Variants in DYNLT2B observed in about 807,000 individuals in gnomAD.
The protein encoded by DYNLT2B is dynein light chain Tctex-type 2B.
A neutral mutation model predicts 19.5 loss-of-function variants in DYNLT2B; 14 were observed. The observed-to-expected ratio is 0.72, with a 90% CI of 0.47 to 1.12. The LOEUF (loss-of-function observed/expected upper bound fraction) is 1.12, where lower values mean the gene tolerates loss of function less well. Among genes scored for constraint, DYNLT2B ranks in the 50% most tolerant of loss-of-function variants. The pLI is 0.00. For synonymous variants in DYNLT2B, 70 were observed against 59.7 expected (o/e 1.17, Z -0.79); for missense variants, 133 against 174.7 (o/e 0.76, Z 1.35).
At chr3:196,310,252 C>T (rs998275399) in intron 2 of DYNLT2B, among the ~76,000 whole-genome samples, 2 of 150,314 alleles carry the variant, frequency 1.3e-5, no homozygotes, top group Non-Finnish European at 2.9e-5. Context: ...TAGGCATGCG[C>T]CATCACGCTC....
chr3:196,295,219 G>A lies in DYNLT2B; in HGVS notation c.381+787C>T, dbSNP rs144957155. Among the ~76,000 whole-genome samples, 24 of 152,108 alleles carry A rather than the reference G, an allele frequency of 1.6e-4. No homozygotes were observed. In the East Asian group the frequency reaches 1.8e-3, roughly 11 times the overall value. ...TGTGTCACCCAGGCTGGAATACAGT[G>A]GCACAATCTCAGCTCACTGCAACCT... On this transcript the variant is annotated intron_variant, in intron 4 of 4. Coordinates refer to ENST00000325318, the MANE Select transcript of DYNLT2B (RefSeq NM_152773.5).
At chr3:196,291,882 G>C (rs1205144180) in intron 4 of DYNLT2B, among the ~76,000 whole-genome samples, 2 of 152,176 alleles carry the variant, frequency 1.3e-5, no homozygotes, top group Non-Finnish European at 2.9e-5. Context: ...AAAATTGCTT[G>C]CTAAAAGGTT....
intron 1 of DYNLT2B, 138 bp from the exon 2 acceptor site, chr3:196,316,369 CAAATT>C (rs1381071142): frequency 1.1e-6 from 1 of 911,780 alleles, no homozygotes; most frequent in African/African-American, 1.7e-5. Context: ...AAAATATAAA[CAAATT>C]AAGACAAATC....
intron 4 of DYNLT2B, 116 bp from the exon 5 acceptor site, chr3:196,291,490 C>CT (rs1560184411): frequency 7.4e-6 from 8 of 1,083,628 alleles, no homozygotes; most frequent in Non-Finnish European, 9.2e-6. Context: ...TTTTTTTTTT[C>CT]TTTTTTGAGA....
intron 1 of DYNLT2B, among the ~76,000 whole-genome samples, chr3:196,317,808 C>T (rs1726919639): frequency 6.6e-6 from 1 of 152,136 alleles, no homozygotes; most frequent in African/African-American, 2.4e-5. Context: ...CCCTAAGACG[C>T]GCCCGGCGCC....
chr3:196,298,114 T>C, intron 3 of DYNLT2B: 1 of 336,732 alleles, frequency 3.0e-6, no homozygotes, highest in South Asian at 2.9e-5. Flanking sequence ...TGTGCCTGAT[T>C]TTATTACCAG....
intron 2 of DYNLT2B, among the ~76,000 whole-genome samples, chr3:196,307,818 G>T (rs1045625168): frequency 6.6e-6 from 1 of 151,024 alleles, no homozygotes; most frequent in African/African-American, 2.4e-5. Flanking sequence ...GGTGGCTCAC[G>T]CCTGTAATCC....
rs1726944673 is a variant in DYNLT2B at position 196,318,170 on chromosome 3, C to G, written c.-18G>C. On this transcript the variant is annotated 5_prime_UTR_variant, in exon 1 of 5. Coordinates refer to ENST00000325318, the MANE Select transcript of DYNLT2B (RefSeq NM_152773.5). The stretch of plus-strand genomic sequence containing the variant: ...GTGGCCATGCCGGGGCTTCTCGGTC[C>G]GGGCGTAGCTCGCGATGAAGGCCTA... 6.9e-7 allele frequency: 1 copy of G among 1,449,434 alleles called. No homozygotes were observed. Among genetic ancestry groups the G allele is most frequent in the South Asian group, 1.3e-5 (1 of 78,160 alleles). The allele number at this position is 1,449,434 out of a possible 1,614,324, so 89.8% of individuals were successfully genotyped here. A position where few individuals can be genotyped will look rare whatever the true frequency, so the allele number is the denominator to read the frequency against.
intron 4 of DYNLT2B, among the ~76,000 whole-genome samples, chr3:196,294,354 TAATAAA>T (rs1370827740): frequency 5.3e-5 from 8 of 152,052 alleles, no homozygotes; most frequent in Non-Finnish European, 5.9e-5. Flanking sequence ...TCTCAAAAAA[TAATAAA>T]AATAAAAATA....
At chr3:196,313,885 G>T (rs560172324) in intron 2 of DYNLT2B, among the ~76,000 whole-genome samples, 1 of 152,166 alleles carries the variant, frequency 6.6e-6, no homozygotes, top group East Asian at 1.9e-4. Context: ...ATCACCTGAG[G>T]TCAGGAGTTC....
chr3:196,299,590 G>A (rs375345516), intron 3 of DYNLT2B, among the ~76,000 whole-genome samples: 5 of 152,096 alleles, frequency 3.3e-5, no homozygotes, highest in East Asian at 3.9e-4. Flanking sequence ...CATAAAAAAG[G>A]AGAAAGTAGA....
chr3:196,307,080 G>T, intron 2 of DYNLT2B, 68 bp from the exon 3 acceptor site: 1 of 1,395,124 alleles, frequency 7.2e-7, no homozygotes, highest in Non-Finnish European at 1.0e-6. Context: ...AGACAAATTT[G>T]CCCAGAAATG....
At chr3:196,299,391 T>G (rs140855937) in intron 3 of DYNLT2B, among the ~76,000 whole-genome samples, 105 of 151,850 alleles carry the variant, frequency 6.9e-4, no homozygotes, top group African/African-American at 2.5e-3. Flanking sequence ...GGCCCTAATT[T>G]TTTGTATTTT....
chr3:196,301,438 C>T (rs563707324), intron 3 of DYNLT2B, among the ~76,000 whole-genome samples: 2 of 152,122 alleles, frequency 1.3e-5, no homozygotes, highest in African/African-American at 2.4e-5. Flanking sequence ...TGTGGCTGGG[C>T]GCAGTGGCTC....
chr3:196,302,902 A>G (rs1726391256), intron 3 of DYNLT2B, among the ~76,000 whole-genome samples: 1 of 151,874 alleles, frequency 6.6e-6, no homozygotes, highest in African/African-American at 2.4e-5. Flanking sequence ...TTTAAAACAA[A>G]GACGGTAACA....
intron 4 of DYNLT2B, among the ~76,000 whole-genome samples, chr3:196,295,183 A>G (rs1726191501): frequency 6.9e-6 from 1 of 145,234 alleles, no homozygotes; most frequent in African/African-American, 2.5e-5. Context: ...AACCTCTTTT[A>G]TGTGTGTGTG....
chr3:196,304,652 T>C (rs1363567734), intron 3 of DYNLT2B, among the ~76,000 whole-genome samples: 1 of 151,188 alleles, frequency 6.6e-6, no homozygotes, highest in African/African-American at 2.4e-5. Flanking sequence ...GATCGCACCA[T>C]TGCACTACAG....
At chr3:196,314,350 C>G (rs1304949872) in intron 2 of DYNLT2B, among the ~76,000 whole-genome samples, 1 of 151,310 alleles carries the variant, frequency 6.6e-6, no homozygotes, top group African/African-American at 2.4e-5. Flanking sequence ...GAAATTCCAA[C>G]TGCTTGGGAG....
chr3:196,304,398 G>A (rs1398100269), intron 3 of DYNLT2B, among the ~76,000 whole-genome samples: 1 of 152,138 alleles, frequency 6.6e-6, no homozygotes, highest in Non-Finnish European at 1.5e-5. Flanking sequence ...CCCCCAAAGG[G>A]CTGAGATTAC....
Sources: gnomAD v4.1 joint callset for allele counts (sites outside exome capture counted in the v4.1 genomes callset) on GRCh38, gnomAD v4.1.1 for gene constraint, MANE v1.5 for transcripts, NCBI Gene and HGNC (gene_info 2026-07-23, HGNC 2026-07-21) for gene names.